SMPDL3A: variants seen among roughly 807,000 people sequenced by gnomAD.
SMPDL3A encodes the protein sphingomyelin phosphodiesterase acid like 3A, also known as cyclic GMP-AMP phosphodiesterase SMPDL3A.
Under a neutral mutation model 38.5 loss-of-function variants are expected in SMPDL3A, and 39 were observed. That is an observed-to-expected ratio of 1.01 (90% confidence interval 0.78 to 1.32). SMPDL3A has a LOEUF of 1.32. Ranked by LOEUF, SMPDL3A falls within the 40% of genes most tolerant of loss-of-function variation. SMPDL3A has a pLI of 0.00. For missense variants in SMPDL3A, 502 were observed against 536.2 expected, an observed-to-expected ratio of 0.94 and a Z score of 0.63; for synonymous variants, 180 against 194.3, an observed-to-expected ratio of 0.93 and a Z score of 0.61.
chr6:122,808,006 G>A (rs570683251), intron 7 of SMPDL3A, among the ~76,000 whole-genome samples: 1 of 152,156 alleles, frequency 6.6e-6, no homozygotes, highest in African/African-American at 2.4e-5. Flanking sequence ...GTATATTTAC[G>A]TGTGTACATA....
intron 1 of SMPDL3A, 36 bp downstream of exon 1, chr6:122,789,494 A>T (rs1339167942): frequency 6.6e-7 from 1 of 1,512,878 alleles, no homozygotes; most frequent in African/African-American, 1.4e-5. Flanking sequence ...CCCAGCCGGC[A>T]AAGAGCGCGG....
At chr6:122,803,455 A>G (rs1049079872) in intron 4 of SMPDL3A, among the ~76,000 whole-genome samples, 3 of 152,232 alleles carry the variant, frequency 2.0e-5, no homozygotes, top group Admixed American at 6.5e-5. Flanking sequence ...GTTGGAAGCG[A>G]TAGCACGGGG....
At position 122,805,058 on chromosome 6, in the gene SMPDL3A, A is replaced by C; in HGVS notation, c.888A>C (p.Arg296Ser). 1 of 1,609,834 alleles carries C rather than the reference A, an allele frequency of 6.2e-7. No homozygotes were observed. The highest frequency in any genetic ancestry group is 2.2e-5 in the East Asian group (1 of 44,740). ...IAGQFYGHTH[R>S]DSIMVLSDKK... The stretch of plus-strand genomic sequence containing the variant: ...GACAATTTTATGGACACACTCACAG[A>C]GACAGCATTATGGTTCTTTCAGATA... Residue 296 changes from arginine (R) to serine (S), a missense_variant, in exon 6 of 8, where the codon AGA becomes AGC. Arg to Ser is a moderately radical substitution (Grantham distance 110). Coordinates refer to ENST00000368440, the MANE Select transcript of SMPDL3A (RefSeq NM_006714.5).
chr6:122,801,444 T>A, intron 4 of SMPDL3A, 38 bp downstream of exon 4: 1 of 1,376,452 alleles, frequency 7.3e-7, no homozygotes. Context: ...TTTGCCTCAA[T>A]TTTTATTCAT....
At position 122,803,726 on chromosome 6, in the gene SMPDL3A, A is replaced by T; in HGVS notation, c.631A>T (p.Asn211Tyr). 6.2e-7 allele frequency: 1 copy of T among 1,614,086 alleles called. No homozygotes were observed. Residue 211 changes from asparagine to tyrosine, a missense_variant, in exon 5 of 8, where the codon AAC (asparagine) becomes TAC (tyrosine). Physicochemically the swap from Asn to Tyr is moderately radical, Grantham distance 143. Coordinates refer to ENST00000368440, the MANE Select transcript of SMPDL3A (RefSeq NM_006714.5). ...PNLRIISLNT[N>Y]LYYGPNIMTL... is the part of the protein sequence containing the mutation. Reference sequence around the variant, plus strand: ...CCTTAGGATCATCAGTCTAAACACAAACTTGTACTACGGCCCAAATATAAT... The same window carrying T: ...CCTTAGGATCATCAGTCTAAACACATACTTGTACTACGGCCCAAATATAAT...
chr6:122,797,283 A>C (rs1270153256), intron 3 of SMPDL3A: 2 of 239,072 alleles, frequency 8.4e-6, no homozygotes, highest in Admixed American at 5.4e-5. Context: ...GTTCTGGTTC[A>C]TTTGCATGTC....
Position 122,809,167 on chromosome 6 carries a change from T to A in SMPDL3A, c.1121T>A (p.Leu374Gln), listed in dbSNP as rs1781766366. The change falls in exon 8 of 8, where the codon CTG becomes CAG. Residue 374 changes from leucine to glutamine, a missense_variant. Transcript: ENST00000368440. ...GESIWKLEYI[L>Q]TQTYDIEDLQ... ...TCCATCTGGAAGCTGGAGTATATCC[T>A]GACCCAGACCTACGACATTGAAGAT... is the stretch of plus-strand genomic sequence containing the variant. 3.1e-6 allele frequency: 5 copies of A among 1,614,068 alleles called. No homozygotes were observed. The highest frequency in any genetic ancestry group is 4.2e-6 in the Non-Finnish European group (5 of 1,180,018).
At position 122,795,535 on chromosome 6, in the gene SMPDL3A, C is replaced by T. The variant is rs138041023; in HGVS notation, c.113-142C>T. 2,191 of 639,852 alleles carry T rather than the reference C, an allele frequency of 3.4e-3. 35 individuals carry two copies. In the African/African-American group the frequency reaches 0.036, roughly 10 times the overall value. 39.6% of individuals were successfully genotyped at this position (639,852 alleles called of 1,614,324 possible). A position where few individuals can be genotyped will look rare whatever the true frequency, so the allele number is the denominator to read the frequency against. On this transcript the variant is annotated intron_variant, in intron 1 of 7. Transcript: ENST00000368440. The stretch of plus-strand genomic sequence containing the variant: ...CACAGAGAAGGACTGTATTTAACTT[C>T]GAGGCTTATGAACATTTAAATTACC...
chr6:122,797,414 C>CA (rs35977123), intron 3 of SMPDL3A: 89,995 of 152,476 alleles, frequency 0.59, 26,771 homozygotes, highest in South Asian at 0.66. Context: ...AAAACAAAAA[C>CA]TTACAAATTG....
chr6:122,794,581 T>G (rs988520353), intron 1 of SMPDL3A, among the ~76,000 whole-genome samples: 3 of 152,038 alleles, frequency 2.0e-5, no homozygotes, highest in African/African-American at 7.2e-5. Flanking sequence ...CTGGAGACAG[T>G]GTGAGACTCC....
In SMPDL3A at chr6:122,796,862, C is replaced by A; in HGVS notation, c.365C>A (p.Thr122Lys). The change falls in exon 3 of 8, where the codon ACA becomes AAA. Residue 122 changes from threonine to lysine, a missense_variant. Coordinates refer to ENST00000368440, the MANE Select transcript of SMPDL3A (RefSeq NM_006714.5). The part of the protein sequence containing the change: ...PPHVPVPELS[T>K]DTVINVITNM... ...CATGTTCCTGTACCTGAACTCTCAA[C>A]AGACACTGTTATAAATGTGATCACT... The A allele has an allele frequency of 6.2e-7, 1 of 1,613,010 alleles. No homozygotes were observed. The highest frequency in any genetic ancestry group is 8.5e-7 in the Non-Finnish European group (1 of 1,179,132).
Position 122,808,648 on chromosome 6 carries a change from C to T in SMPDL3A, c.1045-443C>T, listed in dbSNP as rs1215145549. On this transcript the variant is annotated intron_variant, in intron 7 of 7. Transcript: ENST00000368440. ...CTTCCTTCCTTCCTTCCTTCCCCCC[C>T]TCCTCCCCCCTCCCTCCCTCTCCTT... Among the ~76,000 whole-genome samples the T allele has an allele frequency of 7.1e-3, 372 of 52,442 alleles. 2 individuals are homozygous for T. The highest frequency in any genetic ancestry group is 0.025 in the South Asian group (18 of 720). The allele number at this position is 52,442 out of a possible 152,430, so 34.4% of individuals were successfully genotyped here. A position where few individuals can be genotyped will look rare whatever the true frequency, so the allele number is the denominator to read the frequency against.
Position 122,804,857 on chromosome 6 carries a change from G to A in SMPDL3A, c.739-52G>A, listed in dbSNP as rs143074282. Reference sequence around the variant, plus strand: ...GGGTATCCAAATGTCATTTAGTTATGATGAATGTGCAGAAAGATTCTCATG... The same window carrying A: ...GGGTATCCAAATGTCATTTAGTTATAATGAATGTGCAGAAAGATTCTCATG... On this transcript the variant is annotated intron_variant, in intron 5 of 7. Transcript: ENST00000368440. 7.5e-5 allele frequency: 111 copies of A among 1,483,640 alleles called. No individual in the cohort carries two copies. In the African/African-American group the frequency reaches 1.5e-3, roughly 19 times the overall value. The allele number at this position is 1,483,640 out of a possible 1,614,324, so 91.9% of individuals were successfully genotyped here.
intron 6 of SMPDL3A, 121 bp from the exon 7 acceptor site, chr6:122,806,112 C>A: frequency 1.3e-6 from 1 of 769,432 alleles, no homozygotes; most frequent in Non-Finnish European, 2.0e-6. Context: ...AGTCAGTATC[C>A]ATTAGTGATC....
At chr6:122,797,551 T>C (rs1041942338) in intron 3 of SMPDL3A, among the ~76,000 whole-genome samples, 5 of 152,150 alleles carry the variant, frequency 3.3e-5, no homozygotes, top group Non-Finnish European at 7.4e-5. Flanking sequence ...AACAGGTTTT[T>C]ATTTGAGAAC....
In SMPDL3A at chr6:122,808,658, CT is replaced by C. The variant is rs1562357969; in HGVS notation, c.1045-432del. ...TCCTTCCTTCCCCCCCTCCTCCCCC[CT>C]CCCTCCCTCTCCTTCTTTCTTATTT... is the stretch of plus-strand genomic sequence containing the variant. On this transcript the variant is annotated intron_variant, in intron 7 of 7. Coordinates refer to ENST00000368440, the MANE Select transcript of SMPDL3A (RefSeq NM_006714.5). Among the ~76,000 whole-genome samples, 172 of 110,012 alleles carry C rather than the reference CT, an allele frequency of 1.6e-3. 2 individuals are homozygous for C. The highest frequency in any genetic ancestry group is 4.7e-3 in the African/African-American group (135 of 29,002). 72.2% of individuals were successfully genotyped at this position (110,012 alleles called of 152,430 possible).
intron 3 of SMPDL3A, among the ~76,000 whole-genome samples, chr6:122,799,351 C>T (rs1011993389): frequency 1.3e-5 from 2 of 152,206 alleles, no homozygotes; most frequent in African/African-American, 4.8e-5. Flanking sequence ...AGACAATTGA[C>T]TGTGAGAGTA....
intron 1 of SMPDL3A, among the ~76,000 whole-genome samples, chr6:122,792,609 C>T (rs917750000): frequency 6.7e-6 from 1 of 148,688 alleles, no homozygotes; most frequent in Non-Finnish European, 1.5e-5. Flanking sequence ...TAGATATTGT[C>T]GTTATCTGTT....
chr6:122,797,501 C>T (rs965398348), intron 3 of SMPDL3A, among the ~76,000 whole-genome samples: 14 of 152,162 alleles, frequency 9.2e-5, no homozygotes, highest in Admixed American at 9.2e-4. Flanking sequence ...AAGGCAGAAA[C>T]CATGTTCAGA....
Sources: allele counts gnomAD v4.1 joint callset (sites outside exome capture counted in the v4.1 genomes callset), GRCh38; gene constraint gnomAD v4.1.1; transcripts MANE v1.5; gene names NCBI Gene and HGNC (gene_info 2026-07-23, HGNC 2026-07-21).